MAST4: variants seen among roughly 807,000 people sequenced by gnomAD.
MAST4 encodes the protein microtubule associated serine/threonine kinase family member 4.
Under a neutral mutation model 162.7 loss-of-function variants are expected in MAST4, and 89 were observed. The ratio of observed to expected loss-of-function variants is 0.55; its 90% CI spans 0.46 to 0.65. MAST4 has a LOEUF of 0.65. MAST4 is among the 30% of genes least tolerant of loss of function. The pLI is 0.00. For synonymous variants in MAST4, 1,479 were observed against 1,361.1 expected (o/e 1.09, Z -1.91); for missense variants, 3,153 against 3,374.0 (o/e 0.93, Z 1.62).
intron 2 of MAST4, 39 bp from the exon 3 acceptor site, chr5:66,788,631 T>C (rs1243250571): frequency 1.1e-6 from 1 of 930,414 alleles, no homozygotes; most frequent in African/African-American, 2.1e-5. Context: ...TACTACCGGC[T>C]GCCTGTCACT....
intron 5 of MAST4, among the ~76,000 whole-genome samples, chr5:67,085,768 A>G (rs1288021544): frequency 2.6e-5 from 4 of 152,212 alleles, no homozygotes; most frequent in African/African-American, 4.8e-5. Flanking sequence ...GTCTACAATT[A>G]TATCTGGAGA....
chr5:67,153,634 G>T, intron 26 of MAST4, 54 bp downstream of exon 26: 1 of 1,489,386 alleles, frequency 6.7e-7, no homozygotes, highest in Non-Finnish European at 9.0e-7. Flanking sequence ...GCCCAAAGGG[G>T]CTAGTACCAG....
chr5:66,785,607 A>G (rs1410475640), intron 2 of MAST4, among the ~76,000 whole-genome samples: 3 of 152,142 alleles, frequency 2.0e-5, no homozygotes, highest in Non-Finnish European at 4.4e-5. Context: ...TAAGGCCTCA[A>G]TGTATTTTAG....
chr5:66,959,041 G>T, intron 4 of MAST4: 1 of 581,172 alleles, frequency 1.7e-6, no homozygotes, highest in Admixed American at 2.8e-5. Context: ...AGTGCAGTGT[G>T]CACTGCCGTT....
intron 1 of MAST4, among the ~76,000 whole-genome samples, chr5:66,744,095 A>AT (rs1317909102): frequency 1.7e-4 from 25 of 150,992 alleles, no homozygotes; most frequent in Admixed American, 1.6e-3. Flanking sequence ...TTTTCTGGTT[A>AT]TTTTTTTCCC....
At chr5:66,815,609 C>T (rs375400490) in intron 3 of MAST4, among the ~76,000 whole-genome samples, 22 of 152,224 alleles carry the variant, frequency 1.4e-4, no homozygotes, top group Non-Finnish European at 2.5e-4. Flanking sequence ...AGACAAATAA[C>T]GTTTTTAAAA....
At chr5:66,998,328 A>T (rs555758682) in intron 4 of MAST4, among the ~76,000 whole-genome samples, 1 of 152,346 alleles carries the variant, frequency 6.6e-6, no homozygotes, top group African/African-American at 2.4e-5. Flanking sequence ...TAATGCAATG[A>T]TTAGTAGCCA....
At chr5:67,098,186 A>C (rs1199718222) in intron 7 of MAST4, among the ~76,000 whole-genome samples, 2 of 152,192 alleles carry the variant, frequency 1.3e-5, no homozygotes, top group Non-Finnish European at 2.9e-5. Flanking sequence ...GCCAGACTGA[A>C]ATGTAAACAT....
chr5:66,822,698 AT>A (rs1278499213), intron 3 of MAST4, among the ~76,000 whole-genome samples: 1 of 152,172 alleles, frequency 6.6e-6, no homozygotes, highest in Non-Finnish European at 1.5e-5. Flanking sequence ...GGCTCAGAGA[AT>A]TGGGGATTCA....
At chr5:66,859,333 G>A (rs903752666) in intron 3 of MAST4, among the ~76,000 whole-genome samples, 2 of 151,834 alleles carry the variant, frequency 1.3e-5, no homozygotes, top group African/African-American at 4.8e-5. Context: ...TACCTTTTTG[G>A]TATTTAGACA....
intron 6 of MAST4, 28 bp downstream of exon 6, chr5:67,090,259 A>G: frequency 6.4e-7 from 1 of 1,564,128 alleles, no homozygotes; most frequent in Non-Finnish European, 8.8e-7. Context: ...GTGGAGGCAT[A>G]AGGTCTTATA....
chr5:66,852,898 GCTGAGGAGGAAGA>G (rs1759417244), intron 3 of MAST4, among the ~76,000 whole-genome samples: 1 of 152,130 alleles, frequency 6.6e-6, no homozygotes, highest in African/African-American at 2.4e-5. Context: ...AATATGATGA[GCTGAGGAGGAAGA>G]CTGTAGGATC....
chr5:67,161,156 T>C (rs921283358), intron 27 of MAST4, among the ~76,000 whole-genome samples: 2 of 152,220 alleles, frequency 1.3e-5, no homozygotes, highest in African/African-American at 2.4e-5. Context: ...GAGGTATGTG[T>C]TTCTGGCAGG....
intron 3 of MAST4, among the ~76,000 whole-genome samples, chr5:66,875,162 C>A (rs1761211947): frequency 6.6e-6 from 1 of 152,108 alleles, no homozygotes; most frequent in Non-Finnish European, 1.5e-5. Flanking sequence ...AGAATAATTT[C>A]TTCTTTTTCA....
chr5:66,919,509 A>G (rs1416223867), intron 4 of MAST4, among the ~76,000 whole-genome samples: 2 of 151,828 alleles, frequency 1.3e-5, no homozygotes, highest in Non-Finnish European at 2.9e-5. Flanking sequence ...AAAATACAAA[A>G]AACTAGCCAG....
At chr5:66,603,423 TAGTGACATGACCATGTACTTCATTTCA>T (rs1275420595) in intron 1 of MAST4, among the ~76,000 whole-genome samples, 1 of 152,224 alleles carries the variant, frequency 6.6e-6, no homozygotes, top group East Asian at 1.9e-4. Context: ...GTCCTGGGGC[TAGTGACATGACCATGTACTTCATTTCA>T]GCTTCCTAGA....
chr5:66,790,527 A>T (rs533014857), intron 3 of MAST4, among the ~76,000 whole-genome samples: 1 of 152,312 alleles, frequency 6.6e-6, no homozygotes, highest in African/African-American at 2.4e-5. Context: ...TCATGAAAAT[A>T]TTGGGACTTT....
intron 3 of MAST4, among the ~76,000 whole-genome samples, chr5:66,857,427 G>GCAGA (rs1759772358): frequency 6.6e-6 from 1 of 152,208 alleles, no homozygotes; most frequent in Non-Finnish European, 1.5e-5. Context: ...ATGCCAAGAA[G>GCAGA]CAGAATTGCT....
intron 3 of MAST4, among the ~76,000 whole-genome samples, chr5:66,845,126 T>TATATATATATACACAC (rs1358855625): frequency 8.8e-4 from 59 of 67,148 alleles, no homozygotes; most frequent in East Asian, 5.6e-3. Context: ...TATATATATA[T>TATATATATATACACAC]ACACACACAC....
Sources: allele counts gnomAD v4.1 joint callset (sites outside exome capture counted in the v4.1 genomes callset), GRCh38; gene constraint gnomAD v4.1.1; transcripts MANE v1.5; gene names NCBI Gene and HGNC (gene_info 2026-07-23, HGNC 2026-07-21).